Variants in NCSTN observed in about 807,000 individuals in gnomAD.
The protein encoded by NCSTN is anterior pharynx-defective 2.
NCSTN carries 22 observed loss-of-function variants against 87.0 expected under a neutral mutation model. The ratio of observed to expected loss-of-function variants is 0.25; its 90% CI spans 0.18 to 0.36. The LOEUF is 0.36. NCSTN is among the 10% of genes least tolerant of loss of function. NCSTN has a pLI of 1.00. For synonymous variants in NCSTN, 306 were observed against 327.1 expected, an observed-to-expected ratio of 0.94 and a Z score of 0.69; for missense variants, 693 against 883.3, an observed-to-expected ratio of 0.78 and a Z score of 2.73.
rs1304443344 is a variant in NCSTN, at chr1:160,357,125, T to C, written c.1879T>C (p.Leu627=). The C allele has an allele frequency of 6.2e-7, 1 of 1,614,158 alleles. No individual in the cohort carries two copies. Among genetic ancestry groups the C allele is most frequent in the South Asian group, 1.1e-5 (1 of 91,068 alleles). ...CCGGTGTGTGCGTTCTACTGCACGA[T>C]TAGCCAGGGCCTTGTCTCCTGCCTT... ...LPRCVRSTAR[L]ARALSPAFEL... is the part of the protein sequence containing the mutation. Residue 627 remains leucine (L), a synonymous_variant, in exon 16 of 17, where the codon TTA becomes CTA. Coordinates refer to ENST00000294785, the MANE Select transcript of NCSTN (RefSeq NM_015331.3).
chr1:160,350,107 G>A lies in NCSTN; in HGVS notation c.439G>A (p.Val147Ile). Reference sequence around the variant, plus strand: ...CTATTCCCCATCCTTCCCTTCAGGTGTTTACTCCAATTCCTATGGGCCAGA... The same window carrying A: ...CTATTCCCCATCCTTCCCTTCAGGTATTTACTCCAATTCCTATGGGCCAGA... ...SVQCPNDGFG[V>I]YSNSYGPEFA... Residue 147 changes from valine (V) to isoleucine (I), a missense_variant and splice_region_variant, in exon 5 of 17, where the codon GTT becomes ATT. This residue lies in a region of NCSTN where 235 missense variants were observed against 233.9 expected (regional missense o/e 1.00). Coordinates refer to ENST00000294785, the MANE Select transcript of NCSTN (RefSeq NM_015331.3). 1 of 1,614,000 alleles carries A rather than the reference G, an allele frequency of 6.2e-7. No homozygotes were observed. Among genetic ancestry groups the A allele is most frequent in the Non-Finnish European group, 8.5e-7 (1 of 1,179,928 alleles).
intron 16 of NCSTN, 113 bp from the exon 17 acceptor site, chr1:160,358,036 G>A (rs1571212997): frequency 1.5e-6 from 2 of 1,370,586 alleles, no homozygotes. Flanking sequence ...CATAGTTGGT[G>A]CTTAGAGCCA....
chr1:160,356,389 G>A (rs755135340), intron 14 of NCSTN, 42 bp downstream of exon 14: 2 of 1,530,534 alleles, frequency 1.3e-6, no homozygotes, highest in Non-Finnish European at 1.8e-6. Context: ...GCTGAGGAAA[G>A]GGATAGAGAA....
Position 160,351,687 on chromosome 1 carries a change from C to G in NCSTN, c.734-9C>G, listed in dbSNP as rs373915943. On this transcript the variant is annotated splice_polypyrimidine_tract_variant and intron_variant, in intron 6 of 16. Coordinates refer to ENST00000294785, the MANE Select transcript of NCSTN (RefSeq NM_015331.3). ...CTTGTTGATCTCTCATTGTTTGTGT[C>G]CTGCTTAGAAATCGTCTGTGACCCC... 1 of 1,574,502 alleles carries G rather than the reference C, an allele frequency of 6.4e-7. No individual in the cohort carries two copies. The highest frequency in any genetic ancestry group is 8.7e-7 in the Non-Finnish European group (1 of 1,143,822).
At position 160,354,308 on chromosome 1, in the gene NCSTN, C is replaced by T. The variant is rs1441330358; in HGVS notation, c.1352+18C>T. On this transcript the variant is annotated intron_variant, in intron 11 of 16. Coordinates refer to ENST00000294785, the MANE Select transcript of NCSTN (RefSeq NM_015331.3). ...CATAACAAGTAAGAATCACTTGGCC[C>T]TGCACCCTCTTCATTCTTGAAGAGA... 4 of 1,609,700 alleles carry T rather than the reference C, an allele frequency of 2.5e-6. No homozygotes were observed. Among genetic ancestry groups the T allele is most frequent in the Non-Finnish European group, 3.4e-6 (4 of 1,176,058 alleles).
At position 160,349,569 on chromosome 1, in the gene NCSTN, A is replaced by C; in HGVS notation, c.335A>C (p.Lys112Thr). The C allele has an allele frequency of 6.2e-7, 1 of 1,614,130 alleles. No homozygotes were observed. Among genetic ancestry groups the C allele is most frequent in the Non-Finnish European group, 8.5e-7 (1 of 1,179,998 alleles). Residue 112 changes from lysine to threonine, a missense_variant, in exon 4 of 17, where the codon AAA (lysine) becomes ACA (threonine). This residue lies in a region of NCSTN where 235 missense variants were observed against 233.9 expected (regional missense o/e 1.00). Coordinates refer to ENST00000294785, the MANE Select transcript of NCSTN (RefSeq NM_015331.3). ...HFTRDLMEKL[K>T]GRTSRIAGLA... ...TCCAGGGATTTAATGGAGAAGCTGA[A>C]AGGGAGAACCAGCCGAATTGCTGGT...
At chr1:160,351,546 G>T in intron 6 of NCSTN, 150 bp from the exon 7 acceptor site, 1 of 1,230,686 alleles carries the variant, frequency 8.1e-7, no homozygotes, top group South Asian at 1.2e-5. Context: ...TCCTAAAGTG[G>T]ATAGTGGCAG....
Position 160,353,008 on chromosome 1 carries a change from C to A in NCSTN, c.1101+17C>A, listed in dbSNP as rs757502430. The A allele has an allele frequency of 1.2e-6, 2 of 1,601,606 alleles. No individual in the cohort carries two copies. Among genetic ancestry groups the A allele is most frequent in the East Asian group, 4.5e-5 (2 of 44,804 alleles). On this transcript the variant is annotated intron_variant, in intron 9 of 16. Transcript: ENST00000294785. ...CTGGGACAGGTATGTGGCATGTCCCCCAGCCCCTTCCTTTTTAATTAAATC... is the reference window on the plus strand; with the variant it reads ...CTGGGACAGGTATGTGGCATGTCCCACAGCCCCTTCCTTTTTAATTAAATC...
At chr1:160,351,191 C>T (rs749209616) in intron 5 of NCSTN, 31 bp from the exon 6 acceptor site, 1 of 1,613,560 alleles carries the variant, frequency 6.2e-7, no homozygotes, top group African/African-American at 1.3e-5. Flanking sequence ...CACAAACTAG[C>T]TGTCTCAGTG....
rs1382656656 is a variant in NCSTN, at chr1:160,356,300, A to G, written c.1592A>G (p.Asn531Ser). The G allele has an allele frequency of 1.2e-6, 2 of 1,613,792 alleles. No homozygotes were observed. The highest frequency in any genetic ancestry group is 1.1e-5 in the South Asian group (1 of 91,084). The change falls in exon 14 of 17, where the codon AAC (asparagine) becomes AGC (serine). Residue 531 changes from asparagine to serine, a missense_variant. Asn to Ser is a conservative substitution (Grantham distance 46). This residue lies in a region of NCSTN where 216 missense variants were observed against 311.7 expected (regional missense o/e 0.69). Coordinates refer to ENST00000294785, the MANE Select transcript of NCSTN (RefSeq NM_015331.3). The part of the protein sequence containing the change: ...LLYGFLIKAN[N>S]SWFQSILRQD... Reference sequence around the variant, plus strand: ...TATGGGTTCCTGATTAAAGCCAACAACTCATGGTTCCAGTCTATCCTCAGG... The same window carrying G: ...TATGGGTTCCTGATTAAAGCCAACAGCTCATGGTTCCAGTCTATCCTCAGG...
chr1:160,343,390 A>C lies in NCSTN; in HGVS notation c.-7A>C, dbSNP rs758622316. On this transcript the variant is annotated 5_prime_UTR_variant, in exon 1 of 17. Coordinates refer to ENST00000294785, the MANE Select transcript of NCSTN (RefSeq NM_015331.3). ...GAACGGGGGCTTCCGCTCAGCAGAGAGGCAAGATGGCTACGGCAGGGGGTG... is the reference window on the plus strand; with the variant it reads ...GAACGGGGGCTTCCGCTCAGCAGAGCGGCAAGATGGCTACGGCAGGGGGTG... 4 of 1,612,910 alleles carry C rather than the reference A, an allele frequency of 2.5e-6. No individual in the cohort carries two copies. Among genetic ancestry groups the C allele is most frequent in the Non-Finnish European group, 3.4e-6 (4 of 1,179,650 alleles).
Position 160,355,864 on chromosome 1 carries a change from C to T in NCSTN, c.1457C>T (p.Ala486Val). The T allele has an allele frequency of 1.2e-6, 2 of 1,613,990 alleles. No homozygotes were observed. The highest frequency in any genetic ancestry group is 8.5e-7 in the Non-Finnish European group (1 of 1,179,868). Residue 486 changes from alanine to valine, a missense_variant and splice_region_variant, in exon 13 of 17, where the codon GCC becomes GTC. By Grantham distance (64) the Ala-to-Val change is moderately conservative. Around this residue, in one of 4 missense-constraint regions of NCSTN, gnomAD observed 216 missense variants for 311.7 expected, o/e 0.69. Transcript: ENST00000294785. The part of the protein sequence containing the change: ...DLNFVTDTAK[A>V]LADVATVLGR... ...CAGCCCCCTCCTCACCTACCACAGGCCCTGGCAGATGTGGCCACGGTGCTG... is the reference window on the plus strand; with the variant it reads ...CAGCCCCCTCCTCACCTACCACAGGTCCTGGCAGATGTGGCCACGGTGCTG...
At position 160,356,757 on chromosome 1, in the gene NCSTN, G is replaced by A; in HGVS notation, c.1794+3G>A. 6.2e-7 allele frequency: 1 copy of A among 1,614,228 alleles called. No individual in the cohort carries two copies. The highest frequency in any genetic ancestry group is 8.5e-7 in the Non-Finnish European group (1 of 1,180,044). ...AAGTCCCAAGTGAAAACAAGGATGT[G>A]AGTGGTGGTGGGTGTTGGAAGTGCC... On this transcript the variant is annotated splice_donor_region_variant and intron_variant, in intron 15 of 16. Coordinates refer to ENST00000294785, the MANE Select transcript of NCSTN (RefSeq NM_015331.3).
In NCSTN at chr1:160,353,782, A is replaced by G. The variant is rs1029151669; in HGVS notation, c.1180-336A>G. ...TTTGGCATTCAGCACGCAGTTTTCT[A>G]TTATTATTTGCTCCCTTCAATTCTG... is the stretch of plus-strand genomic sequence containing the variant. On this transcript the variant is annotated intron_variant, in intron 10 of 16. Coordinates refer to ENST00000294785, the MANE Select transcript of NCSTN (RefSeq NM_015331.3). The G allele has an allele frequency of 3.3e-6, 3 of 914,376 alleles. No homozygotes were observed. The African/African-American group carries it at 5.4e-5, about 16-fold the overall frequency. 56.6% of individuals were successfully genotyped at this position (914,376 alleles called of 1,614,324 possible).
At chr1:160,353,645 CT>C in intron 10 of NCSTN, 1 of 1,177,722 alleles carries the variant, frequency 8.5e-7, no homozygotes, top group Non-Finnish European at 1.1e-6. Context: ...TCCCTTCCCT[CT>C]AGGTCCACCT....
intron 11 of NCSTN, among the ~76,000 whole-genome samples, chr1:160,354,852 CAG>C (rs1181569697): frequency 6.6e-6 from 1 of 152,132 alleles, no homozygotes; most frequent in Admixed American, 6.5e-5. Flanking sequence ...CCTTGGATAA[CAG>C]GGGACTTCTT....
chr1:160,349,445 A>G (rs1272986937), intron 3 of NCSTN, 104 bp from the exon 4 acceptor site: 1 of 1,451,620 alleles, frequency 6.9e-7, no homozygotes, highest in Non-Finnish European at 9.7e-7. Flanking sequence ...ATAAGTCAAC[A>G]GTTTGATTCC....
At chr1:160,357,380 T>A (rs1649182888) in intron 16 of NCSTN, 127 bp downstream of exon 16, 15 of 997,338 alleles carry the variant, frequency 1.5e-5, no homozygotes, top group Non-Finnish European at 2.3e-5. Flanking sequence ...TGCAAATCTG[T>A]CCCTGGTCAG....
rs776312705 is a variant in NCSTN at position 160,352,937 on chromosome 1, G to T, written c.1047G>T (p.Lys349Asn). 6.2e-7 allele frequency: 1 copy of T among 1,614,046 alleles called. No individual in the cohort carries two copies. The highest frequency in any genetic ancestry group is 8.5e-7 in the Non-Finnish European group (1 of 1,180,032). Residue 349 changes from lysine to asparagine, a missense_variant, in exon 9 of 17, where the codon AAG (lysine) becomes AAT (asparagine). Physicochemically the swap from Lys to Asn is moderately conservative, Grantham distance 94. Coordinates refer to ENST00000294785, the MANE Select transcript of NCSTN (RefSeq NM_015331.3). ...CGAGGATGGTCTACGATATGGAGAA[G>T]GGCAAGTTTCCCGTGCAGTTAGAGA... ...GSSRMVYDME[K>N]GKFPVQLENV...
Sources: allele counts gnomAD v4.1 joint callset (sites outside exome capture counted in the v4.1 genomes callset), GRCh38; gene constraint gnomAD v4.1.1; regional missense constraint gnomAD v4.1.1; transcripts MANE v1.5; gene names NCBI Gene and HGNC (gene_info 2026-07-23, HGNC 2026-07-21).